The following CSNK1G3 variants were observed in gnomAD, a reference collection of about 807,000 sequenced individuals.
The protein encoded by CSNK1G3 is casein kinase I isoform gamma-3.
A neutral mutation model predicts 64.3 loss-of-function variants in CSNK1G3; 23 were observed. The observed-to-expected ratio is 0.36, with a 90% confidence interval of 0.26 to 0.51. The LOEUF (loss-of-function observed/expected upper bound fraction) is 0.51, where lower values mean the gene tolerates loss of function less well. Ranked by LOEUF, CSNK1G3 falls within the 20% of genes least tolerant of loss-of-function variation. The pLI is 0.96. For synonymous variants in CSNK1G3, 158 were observed against 162.2 expected (o/e 0.97, Z 0.20); for missense variants, 357 against 510.5 (o/e 0.70, Z 2.90).
At chr5:123,604,917 G>A in intron 11 of CSNK1G3, 87 bp downstream of exon 12, 4 of 1,078,798 alleles carry the variant, frequency 3.7e-6, no homozygotes, top group Non-Finnish European at 5.4e-6. Flanking sequence ...ATTATTTCAG[G>A]AAATTTTTTT....
At chr5:123,535,313 T>C (rs902949167) in intron 1 of CSNK1G3, among the ~76,000 whole-genome samples, 1 of 152,128 alleles carries the variant, frequency 6.6e-6, no homozygotes, top group Admixed American at 6.6e-5. Flanking sequence ...TGTTATAAAA[T>C]ATTATTATTC....
intron 1 of CSNK1G3, among the ~76,000 whole-genome samples, chr5:123,532,113 A>G (rs1314602529): frequency 6.6e-6 from 1 of 151,836 alleles, no homozygotes; most frequent in Non-Finnish European, 1.5e-5. Context: ...TGTAATAGTA[A>G]GGTATTTTTA....
At chr5:123,544,666 A>G (rs1046544893) in intron 1 of CSNK1G3, among the ~76,000 whole-genome samples, 1 of 152,162 alleles carries the variant, frequency 6.6e-6, no homozygotes, top group Non-Finnish European at 1.5e-5. Context: ...GAGACTATGA[A>G]TGGGGCAGAC....
intron 12 of CSNK1G3, among the ~76,000 whole-genome samples, chr5:123,607,589 A>G (rs1459504544): frequency 6.6e-6 from 1 of 152,210 alleles, no homozygotes. Context: ...TGCCCAGGGC[A>G]GGGAAGAGGA....
chr5:123,613,703 G>C (rs1748941349), intron 12 of CSNK1G3, among the ~76,000 whole-genome samples: 1 of 152,030 alleles, frequency 6.6e-6, no homozygotes, highest in Non-Finnish European at 1.5e-5. Context: ...ATAAAAGTCA[G>C]TATTATATTT....
chr5:123,576,143 G>T (rs542288007), intron 6 of CSNK1G3, among the ~76,000 whole-genome samples, 180 bp downstream of exon 6: 11 of 152,220 alleles, frequency 7.2e-5, no homozygotes, highest in African/African-American at 2.4e-4. Context: ...TTGAAAGTAA[G>T]TTACTATAGA....
At chr5:123,609,713 C>T (rs1351443992) in intron 12 of CSNK1G3, among the ~76,000 whole-genome samples, 2 of 152,108 alleles carry the variant, frequency 1.3e-5, no homozygotes, top group Non-Finnish European at 2.9e-5. Flanking sequence ...CTGGGAATGA[C>T]AAGGAGATTT....
intron 6 of CSNK1G3, among the ~76,000 whole-genome samples, chr5:123,583,274 C>T (rs1384292041): frequency 7.0e-6 from 1 of 142,180 alleles, no homozygotes; most frequent in Non-Finnish European, 1.6e-5. Context: ...TGTATCCTTA[C>T]ATATTTCCTG....
At chr5:123,568,883 A>G (rs1787498856) in intron 4 of CSNK1G3, among the ~76,000 whole-genome samples, 1 of 152,258 alleles carries the variant, frequency 6.6e-6, no homozygotes, top group Non-Finnish European at 1.5e-5. Context: ...AGTCTAAAGT[A>G]AATTTAAAAT....
exon 13 of CSNK1G3, chr5:123,615,652 G>C (rs1439083318): frequency 6.6e-6 from 1 of 152,108 alleles, no homozygotes; most frequent in Non-Finnish European, 1.5e-5. Context: ...CACTTTTCAA[G>C]TATGCTTTGT....
chr5:123,542,485 T>C (rs1781830171), intron 1 of CSNK1G3, among the ~76,000 whole-genome samples: 1 of 152,200 alleles, frequency 6.6e-6, no homozygotes, highest in African/African-American at 2.4e-5. Context: ...TATTATGTGA[T>C]TTACTTCAGC....
intron 1 of CSNK1G3, among the ~76,000 whole-genome samples, chr5:123,526,264 C>T (rs1215271185): frequency 6.6e-6 from 1 of 151,850 alleles, no homozygotes; most frequent in East Asian, 1.9e-4. Flanking sequence ...TGGTATATTG[C>T]CCAGGCTGGT....
chr5:123,545,753 G>A (rs144555645), exon 2 of CSNK1G3: 60 of 1,613,502 alleles, frequency 3.7e-5, no homozygotes, highest in Admixed American at 1.8e-4. Context: ...GAGGAACTGG[G>A]TCTTCATCGT....
At chr5:123,604,134 A>G (rs1318472561) in intron 10 of CSNK1G3, among the ~76,000 whole-genome samples, 1 of 151,910 alleles carries the variant, frequency 6.6e-6, no homozygotes, top group African/African-American at 2.4e-5. Context: ...TAGATATGGG[A>G]TATGTTTGGA....
intron 10 of CSNK1G3, 108 bp from the exon 11 acceptor site, chr5:123,594,930 AT>A (rs2151028055): frequency 1.2e-6 from 1 of 805,470 alleles, no homozygotes; most frequent in South Asian, 1.9e-5. Flanking sequence ...TAGTAAGGGT[AT>A]TTTAAATTTC....
At chr5:123,609,889 A>G (rs1796017301) in intron 12 of CSNK1G3, among the ~76,000 whole-genome samples, 1 of 106,406 alleles carries the variant, frequency 9.4e-6, no homozygotes, top group Non-Finnish European at 1.8e-5. Context: ...CATTGATGAG[A>G]TTTGAGAGGA....
At chr5:123,543,907 T>C (rs567654827) in intron 1 of CSNK1G3, among the ~76,000 whole-genome samples, 2 of 152,082 alleles carry the variant, frequency 1.3e-5, no homozygotes, top group African/African-American at 2.4e-5. Context: ...ATAGATTGGG[T>C]GTTAGGACTA....
In CSNK1G3 at chr5:123,553,155, C is replaced by T. The variant is rs760954407; in HGVS notation, c.219+8C>T. ...TATGTGGCAATTAAGTTGGTAAGTT[C>T]CTGTTTCTTAATTTTTCTTAATGAT... On this transcript the variant is annotated splice_region_variant and intron_variant, in intron 3 of 12. Transcript: ENST00000345990. 7.5e-7 allele frequency: 1 copy of T among 1,340,700 alleles called. No homozygotes were observed. The highest frequency in any genetic ancestry group is 1.0e-6 in the Non-Finnish European group (1 of 991,162). 83.1% of individuals were successfully genotyped at this position (1,340,700 alleles called of 1,614,324 possible). A position where few individuals can be genotyped will look rare whatever the true frequency, so the allele number is the denominator to read the frequency against.
chr5:123,605,538 T>G (rs1795216690), intron 12 of CSNK1G3, among the ~76,000 whole-genome samples, 176 bp downstream of exon 13: 4 of 152,138 alleles, frequency 2.6e-5, no homozygotes, highest in Admixed American at 2.6e-4. Flanking sequence ...AAATAATTGT[T>G]TGAGGAGCTC....
Sources: gnomAD v4.1 joint callset for allele counts (sites outside exome capture counted in the v4.1 genomes callset) on GRCh38, gnomAD v4.1.1 for gene constraint, MANE v1.5 for transcripts, NCBI Gene and HGNC (gene_info 2026-07-23, HGNC 2026-07-21) for gene names.